The following VPS13B variants were observed in gnomAD, a reference collection of about 807,000 sequenced individuals.
VPS13B encodes intermembrane lipid transfer protein VPS13B.
A neutral mutation model predicts 426.4 loss-of-function variants in VPS13B; 285 were observed. That is an observed-to-expected ratio of 0.67 (90% CI 0.61 to 0.74). The LOEUF is 0.74. Ranked by LOEUF, VPS13B falls within the 30% of genes least tolerant of loss-of-function variation. The pLI is 0.00. For synonymous variants in VPS13B, 1,676 were observed against 1,676.4 expected (o/e 1.00, Z 0.01); for missense variants, 4,537 against 4,782.6 (o/e 0.95, Z 1.51).
chr8:99,514,971 G>C (rs892854853), intron 29 of VPS13B, among the ~76,000 whole-genome samples: 3 of 152,228 alleles, frequency 2.0e-5, no homozygotes, highest in African/African-American at 4.8e-5. Context: ...GGGAGCTCAC[G>C]CTTAGCATAG....
intron 5 of VPS13B, among the ~76,000 whole-genome samples, chr8:99,104,625 T>C (rs1274097956): frequency 1.4e-5 from 2 of 144,836 alleles, no homozygotes; most frequent in African/African-American, 5.0e-5. Flanking sequence ...CCTTTCCCTC[T>C]TCCCCCTTTC....
chr8:99,758,226 T>G (rs1235486500), intron 39 of VPS13B, among the ~76,000 whole-genome samples: 1 of 152,234 alleles, frequency 6.6e-6, no homozygotes, highest in Non-Finnish European at 1.5e-5. Flanking sequence ...TATGAAGTTA[T>G]AAGAACAATA....
intron 17 of VPS13B, chr8:99,241,635 C>G (rs989310292): frequency 1.3e-5 from 2 of 152,090 alleles, no homozygotes; most frequent in Non-Finnish European, 2.9e-5. Flanking sequence ...TTTCCCAAGT[C>G]TATGGAAATT....
At chr8:99,450,717 GAAA>G (rs869190466) in intron 23 of VPS13B, among the ~76,000 whole-genome samples, 1 of 151,342 alleles carries the variant, frequency 6.6e-6, no homozygotes, top group Non-Finnish European at 1.5e-5. Context: ...GTCTTAAAAA[GAAA>G]AAAAAATTTT....
chr8:99,130,342 G>C (rs1809712698), intron 8 of VPS13B, among the ~76,000 whole-genome samples: 1 of 150,016 alleles, frequency 6.7e-6, no homozygotes, highest in African/African-American at 2.4e-5. Flanking sequence ...ATTAAATCTA[G>C]CATTTTTCTA....
Position 99,553,402 on chromosome 8 carries a change from G to A in VPS13B, c.4746-3048G>A, listed in dbSNP as rs190020552. ...AGGAACATTTATCTTTATCGTTTTC[G>A]TTGCAGTTCATTCATAAAGTGGATT... is the stretch of plus-strand genomic sequence containing the variant. On this transcript the variant is annotated intron_variant, in intron 30 of 61. Coordinates refer to ENST00000357162, the MANE Select transcript of VPS13B (RefSeq NM_152564.5). 9.3e-3 allele frequency among the ~76,000 whole-genome samples: 1,419 copies of A among 152,134 alleles called. 7 individuals carry two copies. The highest frequency in any genetic ancestry group is 0.015 in the Non-Finnish European group (998 of 67,992).
chr8:99,433,725 G>A (rs1817231358), intron 22 of VPS13B, among the ~76,000 whole-genome samples: 1 of 152,128 alleles, frequency 6.6e-6, no homozygotes, highest in African/African-American at 2.4e-5. Context: ...GAAAAAAATA[G>A]TATTCAAGGA....
chr8:99,314,759 A>T (rs1821216983), intron 19 of VPS13B, among the ~76,000 whole-genome samples: 1 of 152,248 alleles, frequency 6.6e-6, no homozygotes, highest in Admixed American at 6.5e-5. Context: ...CTTATCTCCC[A>T]TTTTAGAGCT....
chr8:99,392,863 A>G (rs1258335139), intron 21 of VPS13B, among the ~76,000 whole-genome samples: 1 of 152,118 alleles, frequency 6.6e-6, no homozygotes, highest in Non-Finnish European at 1.5e-5. Context: ...TTATCAATTG[A>G]CAAAAATGCC....
intron 3 of VPS13B, among the ~76,000 whole-genome samples, chr8:99,071,633 C>T (rs1324811859): frequency 1.3e-5 from 2 of 152,138 alleles, no homozygotes; most frequent in Non-Finnish European, 2.9e-5. Flanking sequence ...GAAAATCCAG[C>T]CATGCTTGTG....
chr8:99,642,141 A>T lies in VPS13B; in HGVS notation c.5551A>T (p.Asn1851Tyr), dbSNP rs746642412. ...NNEKTDKSSLNLPEVDSDVAK... is the reference protein window; with the variant it reads ...NNEKTDKSSLYLPEVDSDVAK... ...TGAAAAAACAGACAAGAGTTCATTA[A>T]ATCTCCCAGAAGTTGATTCAGATGT... The change falls in exon 34 of 62, where the codon AAT (asparagine) becomes TAT (tyrosine). Residue 1851 changes from asparagine to tyrosine, a missense_variant. Physicochemically the swap from Asn to Tyr is moderately radical, Grantham distance 143 (BLOSUM62 -2). Coordinates refer to ENST00000357162, the MANE Select transcript of VPS13B (RefSeq NM_152564.5). The T allele has an allele frequency of 3.1e-6, 5 of 1,614,198 alleles. No homozygotes were observed. The East Asian group carries it at 8.9e-5, about 29-fold the overall frequency.
intron 40 of VPS13B, among the ~76,000 whole-genome samples, chr8:99,774,709 G>A (rs1018371718): frequency 1.6e-4 from 25 of 152,096 alleles, no homozygotes; most frequent in Admixed American, 1.4e-3. Context: ...GTTCAAATGT[G>A]TAAAACACAT....
chr8:99,384,267 A>G lies in VPS13B; in HGVS notation c.2884A>G (p.Thr962Ala). The G allele has an allele frequency of 1.9e-6, 3 of 1,614,028 alleles. No individual in the cohort carries two copies. Among genetic ancestry groups the G allele is most frequent in the Non-Finnish European group, 2.5e-6 (3 of 1,179,950 alleles). Residue 962 changes from threonine (T) to alanine (A), a missense_variant, in exon 20 of 62, where the codon ACG becomes GCG. By Grantham distance (58) the Thr-to-Ala change is moderately conservative (BLOSUM62 0). Transcript: ENST00000357162. ...LAVNIDPILY[T>A]WLIYQPQKRT... ...AGTTAATATTGACCCAATCTTATAT[A>G]CGTGGCTCATCTATCAGCCTCAGAA...
chr8:99,057,334 T>G (rs1396629420), intron 3 of VPS13B, among the ~76,000 whole-genome samples: 2 of 152,156 alleles, frequency 1.3e-5, no homozygotes, highest in African/African-American at 2.4e-5. Flanking sequence ...AAAAATCCAG[T>G]GTATTCTTTT....
chr8:99,583,649 T>C (rs1051331363), intron 33 of VPS13B, among the ~76,000 whole-genome samples: 1 of 152,076 alleles, frequency 6.6e-6, no homozygotes, highest in Admixed American at 6.6e-5. Context: ...AAACTAAGGA[T>C]TGTCAGAAAT....
rs761647040 is a variant in VPS13B at position 99,818,583 on chromosome 8, CT to C, written c.8445+50del. 2.5e-6 allele frequency: 4 copies of C among 1,601,452 alleles called. No homozygotes were observed. The African/African-American group carries it at 5.8e-5, about 23-fold the overall frequency. ...ATATGGTATATGACTCTGACCTTTC[CT>C]GTTCTGAAATAAATTAAGGTCAGAG... On this transcript the variant is annotated intron_variant, in intron 46 of 61. Transcript: ENST00000357162.
At chr8:99,871,326 T>C (rs1408336583) in intron 60 of VPS13B, 122 bp from the exon 61 acceptor site, 1 of 1,431,508 alleles carries the variant, frequency 7.0e-7, no homozygotes, top group African/African-American at 1.4e-5. Context: ...CTAAAATGGG[T>C]AACTGGATTG....
chr8:99,087,576 T>C (rs1189164696), intron 3 of VPS13B, among the ~76,000 whole-genome samples: 2 of 151,858 alleles, frequency 1.3e-5, no homozygotes, highest in Admixed American at 6.6e-5. Flanking sequence ...ACTGGCGTTG[T>C]TCCTATTCAG....
At chr8:99,557,509 G>A (rs1032827625) in intron 31 of VPS13B, among the ~76,000 whole-genome samples, 1 of 152,126 alleles carries the variant, frequency 6.6e-6, no homozygotes, top group African/African-American at 2.4e-5. Context: ...AGACCATGGT[G>A]TATATATACC....
Sources: allele counts gnomAD v4.1 joint callset (sites outside exome capture counted in the v4.1 genomes callset), GRCh38; gene constraint gnomAD v4.1.1; transcripts MANE v1.5; gene names NCBI Gene and HGNC (gene_info 2026-07-23, HGNC 2026-07-21).